Variants in NUP107 observed in about 807,000 individuals in gnomAD.
NUP107 encodes the protein nucleoporin 107, also known as nuclear pore complex protein Nup107.
NUP107 carries 101 observed loss-of-function variants against 141.0 expected under a neutral mutation model. The ratio of observed to expected loss-of-function variants is 0.72; its 90% CI spans 0.61 to 0.84. NUP107 has a LOEUF of 0.84. Among genes scored for constraint, NUP107 ranks in the 40% least tolerant of loss-of-function variants. NUP107 has a pLI of 0.00. For synonymous variants in NUP107, 319 were observed against 363.9 expected, an observed-to-expected ratio of 0.88 and a Z score of 1.41; for missense variants, 941 against 1,102.7, an observed-to-expected ratio of 0.85 and a Z score of 2.08.
intron 11 of NUP107, among the ~76,000 whole-genome samples, chr12:68,715,051 CTAG>C (rs1232431944): frequency 6.6e-6 from 1 of 152,166 alleles, no homozygotes; most frequent in African/African-American, 2.4e-5. Flanking sequence ...CTGGGATAGG[CTAG>C]TAGTATTTCT....
Position 68,731,604 on chromosome 12 carries a change from T to C in NUP107, c.1886-3T>C. 6.6e-7 allele frequency: 1 copy of C among 1,521,884 alleles called. No homozygotes were observed. Among genetic ancestry groups the C allele is most frequent in the Non-Finnish European group, 8.8e-7 (1 of 1,134,558 alleles). The allele number at this position is 1,521,884 out of a possible 1,614,324, so 94.3% of individuals were successfully genotyped here. A position where few individuals can be genotyped will look rare whatever the true frequency, so the allele number is the denominator to read the frequency against. On this transcript the variant is annotated splice_region_variant and splice_polypyrimidine_tract_variant and intron_variant, in intron 21 of 27. Coordinates refer to ENST00000229179, the MANE Select transcript of NUP107 (RefSeq NM_020401.4). ...TTTTTTGTCGCTTCAAAAAATTATT[T>C]AGATTTGGATGTTGCAACAATAACA...
At chr12:68,689,391 C>G (rs549569242) in intron 2 of NUP107, 142 bp from the exon 3 acceptor site, 2 of 584,692 alleles carry the variant, frequency 3.4e-6, no homozygotes, top group African/African-American at 3.8e-5. Context: ...GAATTATTTA[C>G]CCTTTGCATT....
At chr12:68,689,650 A>G in intron 3 of NUP107, 31 bp downstream of exon 3, 1 of 1,321,138 alleles carries the variant, frequency 7.6e-7, no homozygotes, top group Non-Finnish European at 1.1e-6. Flanking sequence ...AGCATTTAAT[A>G]ATAACGGTAA....
At position 68,690,747 on chromosome 12, in the gene NUP107, G is replaced by GTA. The variant is rs754709651; in HGVS notation, c.303+3_303+4dup. On this transcript the variant is annotated splice_donor_variant, in intron 4 of 27. Transcript: ENST00000229179. LOFTEE classifies it high-confidence loss of function. ...AGGGTTCTTTGGAAATCTCTCCATG[G>GTA]TATGTAGAAAAATAGGGCTAAGAAC... is the stretch of plus-strand genomic sequence containing the variant. 48 of 1,613,838 alleles carry GTA rather than the reference G, an allele frequency of 3.0e-5. No individual in the cohort carries two copies. Among genetic ancestry groups the GTA allele is most frequent in the Non-Finnish European group, 4.0e-5 (47 of 1,179,886 alleles).
chr12:68,732,658 G>T lies in NUP107; in HGVS notation c.2020G>T (p.Val674Leu), dbSNP rs751382140. The change falls in exon 23 of 28, where the codon GTA becomes TTA. Residue 674 changes from valine to leucine, a missense_variant. By Grantham distance (32) the Val-to-Leu change is conservative. Coordinates refer to ENST00000229179, the MANE Select transcript of NUP107 (RefSeq NM_020401.4). ...TTEEDRLKID[V>L]IDWLVFDPAQ... ...ATAGGAGGATCGTTTAAAAATTGATGTAATTGACTGGTTGGTATTTGACCC... is the reference window on the plus strand; with the variant it reads ...ATAGGAGGATCGTTTAAAAATTGATTTAATTGACTGGTTGGTATTTGACCC... The T allele has an allele frequency of 2.5e-6, 4 of 1,596,342 alleles. No individual in the cohort carries two copies. Among genetic ancestry groups the T allele is most frequent in the Admixed American group, 3.4e-5 (2 of 59,300 alleles).
intron 24 of NUP107, 140 bp from the exon 25 acceptor site, chr12:68,734,568 A>C: frequency 1.6e-6 from 1 of 643,682 alleles, no homozygotes; most frequent in Non-Finnish European, 2.6e-6. Flanking sequence ...TTTTGGAGGG[A>C]AAAAAATATA....
At chr12:68,690,002 A>G (rs2468403) in intron 3 of NUP107, 86,106 of 161,472 alleles carry the variant, frequency 0.53, 23,540 homozygotes, top group South Asian at 0.76. Context: ...CCAACATGGC[A>G]AAACCCTATC....
chr12:68,718,284 C>A (rs1413618959), intron 12 of NUP107, among the ~76,000 whole-genome samples: 2 of 152,072 alleles, frequency 1.3e-5, no homozygotes, highest in African/African-American at 2.4e-5. Context: ...TAGCTCACAT[C>A]CCTAACCTTA....
At chr12:68,691,360 AGAG>A (rs1166155902) in intron 4 of NUP107, among the ~76,000 whole-genome samples, 1 of 152,218 alleles carries the variant, frequency 6.6e-6, no homozygotes, top group Non-Finnish European at 1.5e-5. Flanking sequence ...AGTAGGAATC[AGAG>A]GTTAACAGAT....
intron 6 of NUP107, among the ~76,000 whole-genome samples, chr12:68,698,977 G>T (rs891870392): frequency 2.0e-5 from 3 of 152,166 alleles, no homozygotes; most frequent in African/African-American, 7.2e-5. Context: ...AGTTGTAACA[G>T]ATATACCATT....
At chr12:68,712,916 A>G (rs766035454) in intron 10 of NUP107, among the ~76,000 whole-genome samples, 3 of 152,176 alleles carry the variant, frequency 2.0e-5, no homozygotes, top group Non-Finnish European at 4.4e-5. Flanking sequence ...AAGATGTGTC[A>G]TAGTCCTAAA....
chr12:68,705,520 A>G (rs1876534254), intron 8 of NUP107: 1 of 291,496 alleles, frequency 3.4e-6, no homozygotes, highest in Non-Finnish European at 6.8e-6. Flanking sequence ...ACTGCAGATC[A>G]AAAGTATTCT....
Position 68,721,154 on chromosome 12 carries a change from G to A in NUP107, c.1288G>A (p.Ala430Thr), listed in dbSNP as rs755759781. ...TAGATACGAGAGAGCAATTTATGCA[G>A]CTTTAAGTGGGAATCTTAAGCAGGT... ...FNRYERAIYA[A>T]LSGNLKQLLP... The change falls in exon 15 of 28, where the codon GCT becomes ACT. Residue 430 changes from alanine to threonine, a missense_variant. By Grantham distance (58) the Ala-to-Thr change is moderately conservative. Transcript: ENST00000229179. The A allele has an allele frequency of 5.0e-5, 81 of 1,608,506 alleles. No individual in the cohort carries two copies. Among genetic ancestry groups the A allele is most frequent in the Non-Finnish European group, 3.8e-5 (45 of 1,176,120 alleles).
intron 17 of NUP107, 41 bp downstream of exon 17, chr12:68,722,193 AAC>A: frequency 6.4e-7 from 1 of 1,551,326 alleles, no homozygotes; most frequent in Non-Finnish European, 8.9e-7. Flanking sequence ...TGGAATAGGA[AAC>A]AGTGTTATTC....
chr12:68,727,248 A>G (rs555425882), intron 19 of NUP107, 103 bp from the exon 20 acceptor site: 1 of 605,226 alleles, frequency 1.7e-6, no homozygotes, highest in Non-Finnish European at 3.0e-6. Context: ...TCAGTGGTAA[A>G]CATTACAATT....
At chr12:68,727,478 AAGAAAGCATC>A in intron 20 of NUP107, 89 bp downstream of exon 20, 1 of 712,086 alleles carries the variant, frequency 1.4e-6, no homozygotes, top group Middle Eastern at 2.8e-4. Flanking sequence ...TCTCAGTGGT[AAGAAAGCATC>A]AGAATCCATA....
At chr12:68,688,870 C>A in intron 1 of NUP107, 92 bp from the exon 2 acceptor site, 1 of 886,354 alleles carries the variant, frequency 1.1e-6, no homozygotes, top group Non-Finnish European at 1.8e-6. Flanking sequence ...CCTTAACTTA[C>A]TCAGGGTCCT....
intron 8 of NUP107, among the ~76,000 whole-genome samples, chr12:68,707,765 T>A (rs1410880960): frequency 6.6e-6 from 1 of 152,228 alleles, no homozygotes; most frequent in Non-Finnish European, 1.5e-5. Flanking sequence ...ATTATTTTTT[T>A]ATCACAGCCA....
intron 6 of NUP107, among the ~76,000 whole-genome samples, chr12:68,699,251 T>C (rs960509236): frequency 6.6e-6 from 1 of 152,066 alleles, no homozygotes; most frequent in Admixed American, 6.6e-5. Flanking sequence ...TGGGCACCTG[T>C]AATCCCAGCT....
Sources: gnomAD v4.1 joint callset for allele counts (sites outside exome capture counted in the v4.1 genomes callset) on GRCh38, gnomAD v4.1.1 for gene constraint, MANE v1.5 for transcripts, NCBI Gene and HGNC (gene_info 2026-07-23, HGNC 2026-07-21) for gene names.